ZFAT: variants seen among roughly 807,000 people sequenced by gnomAD.
The protein encoded by ZFAT is zinc finger and AT-hook domain containing, also known as zinc finger protein ZFAT.
A neutral mutation model predicts 117.7 loss-of-function variants in ZFAT; 64 were observed. That is an observed-to-expected ratio of 0.54 (90% CI 0.44 to 0.67). The LOEUF is 0.67. ZFAT is among the 30% of genes least tolerant of loss of function. The probability of loss-of-function intolerance (pLI) is 0.00; values close to 1 mark genes in which losing one functional copy is unlikely to be tolerated. For synonymous variants in ZFAT, 679 were observed against 615.0 expected, an observed-to-expected ratio of 1.10 and a Z score of -1.54; for missense variants, 1,433 against 1,584.5, an observed-to-expected ratio of 0.90 and a Z score of 1.62.
At chr8:134,584,068 C>A in intron 9 of ZFAT, 63 bp from the exon 10 acceptor site, 1 of 1,465,132 alleles carries the variant, frequency 6.8e-7, no homozygotes, top group South Asian at 1.3e-5. Flanking sequence ...ATGTGTGAAT[C>A]TGAAGGAATA....
chr8:134,752,821 C>T, the ZFAT span, among the ~76,000 whole-genome samples: 10 of 151,958 alleles, frequency 6.6e-5, no homozygotes, highest in Non-Finnish European at 1.2e-4. Context: ...TCTTATAATC[C>T]GATTATAAGG....
chr8:134,710,954 CAGTGAAAAACAAGGTG>C (rs1813969250), intron 1 of ZFAT, among the ~76,000 whole-genome samples: 1 of 152,164 alleles, frequency 6.6e-6, no homozygotes, highest in African/African-American at 2.4e-5. Context: ...ACCATTAATA[CAGTGAAAAACAAGGTG>C]TTCAAGGTAC....
chr8:134,481,953 A>G (rs1052945771), intron 15 of ZFAT, among the ~76,000 whole-genome samples: 2 of 152,184 alleles, frequency 1.3e-5, no homozygotes, highest in African/African-American at 4.8e-5. Context: ...GCCACCTCCC[A>G]GTCACCAAAC....
intron 1 of ZFAT, among the ~76,000 whole-genome samples, chr8:134,663,049 G>A (rs987312977): frequency 6.6e-6 from 1 of 152,248 alleles, no homozygotes; most frequent in Non-Finnish European, 1.5e-5. Flanking sequence ...ATACTGCCAT[G>A]GCAAAGGGGC....
chr8:134,553,292 T>C (rs1823322471), intron 11 of ZFAT, among the ~76,000 whole-genome samples: 1 of 151,988 alleles, frequency 6.6e-6, no homozygotes, highest in Non-Finnish European at 1.5e-5. Flanking sequence ...GATCAAGAGT[T>C]AGGAGTTCAC....
rs147288787 is a variant in ZFAT at position 134,592,369 on chromosome 8, C to T, written c.2476-2014G>A. Among the ~76,000 whole-genome samples the T allele has an allele frequency of 6.6e-5, 10 of 152,314 alleles. No individual in the cohort carries two copies. The East Asian group carries it at 7.7e-4, about 12-fold the overall frequency. On this transcript the variant is annotated intron_variant, in intron 7 of 15. Transcript: ENST00000377838. ...AACTTGCCCAAGGTTCACACTACAC[C>T]GAGGGCAGAGCTGGACTCCAGAGCT... is the stretch of plus-strand genomic sequence containing the variant.
At chr8:134,486,931 T>C (rs113902138) in intron 15 of ZFAT, among the ~76,000 whole-genome samples, 18,430 of 152,148 alleles carry the variant, frequency 0.12, 1,521 homozygotes, top group Non-Finnish European at 0.19. Flanking sequence ...GGTGTGCATG[T>C]GTGTATATGT....
At chr8:134,737,394 T>C in the ZFAT span, among the ~76,000 whole-genome samples, 1 of 152,236 alleles carries the variant, frequency 6.6e-6, no homozygotes, top group Non-Finnish European at 1.5e-5. Flanking sequence ...AATACTGGCA[T>C]GAATAGTAAG....
intron 12 of ZFAT, among the ~76,000 whole-genome samples, chr8:134,530,400 T>C (rs1821319289): frequency 2.0e-5 from 3 of 152,176 alleles, no homozygotes; most frequent in African/African-American, 7.2e-5. Flanking sequence ...AGTAATTTAA[T>C]CTGGTTTCAT....
the ZFAT span, among the ~76,000 whole-genome samples, chr8:134,780,090 G>A: frequency 3.4e-4 from 51 of 152,152 alleles, no homozygotes; most frequent in Admixed American, 6.6e-4. Context: ...GATGTGGTGT[G>A]TTTACAAAAT....
chr8:134,594,703 T>TC (rs1429645574), intron 7 of ZFAT: 1 of 152,194 alleles, frequency 6.6e-6, no homozygotes, highest in East Asian at 1.9e-4. Flanking sequence ...CTCGCTAAAT[T>TC]CCCATGGAGG....
intron 5 of ZFAT, among the ~76,000 whole-genome samples, chr8:134,607,205 A>T (rs1827953870): frequency 6.6e-6 from 1 of 152,208 alleles, no homozygotes; most frequent in African/African-American, 2.4e-5. Flanking sequence ...AAGGTCTACA[A>T]ATCAACCTGA....
At chr8:134,736,890 CCATTCTT>C in the ZFAT span, among the ~76,000 whole-genome samples, 1 of 152,216 alleles carries the variant, frequency 6.6e-6, no homozygotes, top group East Asian at 1.9e-4. Context: ...CAGGCCTGAG[CCATTCTT>C]CTCTTATTGG....
chr8:134,602,578 C>T lies in ZFAT; in HGVS notation c.1141G>A (p.Asp381Asn), dbSNP rs755624892. Reference sequence around the variant, plus strand: ...TCCAAGGCCTCTTTGACCTTCTTGTCCTGTGGGTCATGCGCGTCTCGGATG... The same window carrying T: ...TCCAAGGCCTCTTTGACCTTCTTGTTCTGTGGGTCATGCGCGTCTCGGATG... ...KHIRDAHDPQ[D>N]KKVKEALDEL... Residue 381 changes from aspartate to asparagine, a missense_variant, in exon 6 of 16, where the codon GAC (aspartate) becomes AAC (asparagine). By Grantham distance (23) the Asp-to-Asn change is conservative. Transcript: ENST00000377838. The T allele has an allele frequency of 7.4e-6, 12 of 1,614,100 alleles. No individual in the cohort carries two copies. The South Asian group carries it at 1.1e-4, about 15-fold the overall frequency.
chr8:134,646,031 G>A (rs552882426), intron 2 of ZFAT, among the ~76,000 whole-genome samples: 12 of 151,276 alleles, frequency 7.9e-5, no homozygotes, highest in Middle Eastern at 3.4e-3. Flanking sequence ...GTGAAACACC[G>A]TCTCTACTTA....
chr8:134,742,071 AT>A, the ZFAT span, among the ~76,000 whole-genome samples: 1 of 151,724 alleles, frequency 6.6e-6, no homozygotes, highest in Non-Finnish European at 1.5e-5. Flanking sequence ...CTGTCTTGCT[AT>A]TTCCAATCCA....
chr8:134,732,685 A>G, the ZFAT span, among the ~76,000 whole-genome samples: 1 of 152,242 alleles, frequency 6.6e-6, no homozygotes, highest in African/African-American at 2.4e-5. Context: ...AAAGGAATGC[A>G]TATACCCAGT....
chr8:134,643,649 C>T (rs1480695498), intron 2 of ZFAT, among the ~76,000 whole-genome samples: 48 of 152,204 alleles, frequency 3.2e-4, no homozygotes, highest in Admixed American at 2.9e-3. Context: ...CTGTGTGAGG[C>T]GGTGATTGAA....
the ZFAT span, among the ~76,000 whole-genome samples, chr8:134,789,692 T>C: frequency 1.3e-5 from 2 of 152,208 alleles, no homozygotes; most frequent in Non-Finnish European, 2.9e-5. Flanking sequence ...TGTGGAGTTA[T>C]AGTACCGGAC....
Sources: allele counts gnomAD v4.1 joint callset (sites outside exome capture counted in the v4.1 genomes callset), GRCh38; gene constraint gnomAD v4.1.1; transcripts MANE v1.5; gene names NCBI Gene and HGNC (gene_info 2026-07-23, HGNC 2026-07-21).